Variants in SLCO3A1 observed in about 807,000 individuals in gnomAD.
The protein encoded by SLCO3A1 is solute carrier organic anion transporter family member 3A1.
SLCO3A1 carries 27 observed loss-of-function variants against 63.1 expected under a neutral mutation model. The ratio of observed to expected loss-of-function variants is 0.43; its 90% confidence interval spans 0.32 to 0.59. The LOEUF is 0.59. SLCO3A1 is among the 20% of genes least tolerant of loss of function. The probability of loss-of-function intolerance (pLI) is 0.09; values close to 1 mark genes in which losing one functional copy is unlikely to be tolerated. For missense variants in SLCO3A1, 773 were observed against 945.8 expected (o/e 0.82, Z 2.40); for synonymous variants, 473 against 409.9 (o/e 1.15, Z -1.86).
At position 91,934,848 on chromosome 15, in the gene SLCO3A1, ACT is replaced by A. The variant is rs1350845801; in HGVS notation, c.646+18391_646+18392del. On this transcript the variant is annotated intron_variant, in intron 2 of 9. Coordinates refer to ENST00000318445, the MANE Select transcript of SLCO3A1 (RefSeq NM_013272.4). ...AGTGAGTTGTATAATTCCGTAAGTTACTGCCCTTCCTAACTAAGGCCCTGACT... is the reference window on the plus strand; with the variant it reads ...AGTGAGTTGTATAATTCCGTAAGTTAGCCCTTCCTAACTAAGGCCCTGACT... Among the ~76,000 whole-genome samples the A allele has an allele frequency of 2.0e-5, 3 of 152,270 alleles. No homozygotes were observed. In the East Asian group the frequency reaches 5.8e-4, roughly 29 times the overall value.
At position 91,863,302 on chromosome 15, in the gene SLCO3A1, T is replaced by C. The variant is rs1231014693; in HGVS notation, c.180+9214T>C. Among the ~76,000 whole-genome samples the C allele has an allele frequency of 3.3e-5, 5 of 152,210 alleles. No individual in the cohort carries two copies. The highest frequency in any genetic ancestry group is 2.6e-4 in the Admixed American group (4 of 15,290). ...GTGCTGTCAGCACCAGCTCCCCTTCTCTCCAGGGGTACAGGAGGCTTGTCC... is the reference window on the plus strand; with the variant it reads ...GTGCTGTCAGCACCAGCTCCCCTTCCCTCCAGGGGTACAGGAGGCTTGTCC... On this transcript the variant is annotated intron_variant, in intron 1 of 9. Coordinates refer to ENST00000318445, the MANE Select transcript of SLCO3A1 (RefSeq NM_013272.4). The surrounding 1 kb of genome is among the most constrained non-coding windows in gnomAD (Gnocchi z 4.3).
At chr15:91,976,904 C>T (rs1479726911) in intron 2 of SLCO3A1, among the ~76,000 whole-genome samples, 1 of 152,116 alleles carries the variant, frequency 6.6e-6, no homozygotes, top group African/African-American at 2.4e-5. Flanking sequence ...CACAGGACCA[C>T]AGGACCGGGG....
In SLCO3A1 at chr15:92,128,372, G is replaced by C. The variant is rs764887174; in HGVS notation, c.1395G>C (p.Leu465=). ...YGNSTAPGSA[L]DPYSPCNNNC... ...CCAGCACAGCACCTGGCTCAGCCCT[G>C]GACCCCTACTCGCCCTGCAATAATA... is the stretch of plus-strand genomic sequence containing the variant. The change falls in exon 7 of 10, where the codon CTG becomes CTC. Residue 465 remains leucine, a synonymous_variant. Coordinates refer to ENST00000318445, the MANE Select transcript of SLCO3A1 (RefSeq NM_013272.4). The C allele has an allele frequency of 6.2e-7, 1 of 1,614,092 alleles. No individual in the cohort carries two copies. The highest frequency in any genetic ancestry group is 1.3e-5 in the African/African-American group (1 of 75,020).
chr15:92,140,402 G>T (rs1185065055), intron 7 of SLCO3A1, among the ~76,000 whole-genome samples: 1,989 of 148,968 alleles, frequency 0.013, 56 homozygotes, highest in African/African-American at 0.047. Context: ...TTCCAAGTAT[G>T]TGGTCAATTT....
At chr15:91,945,719 G>T (rs937552838) in intron 2 of SLCO3A1, among the ~76,000 whole-genome samples, 9 of 152,262 alleles carry the variant, frequency 5.9e-5, no homozygotes, top group African/African-American at 2.2e-4. Context: ...GAATCCACTT[G>T]CAGGGTTTAG....
rs181093076 is a variant in SLCO3A1, at chr15:91,854,019, C to T, written c.111C>T (p.Ser37=). Residue 37 remains serine (S), a synonymous_variant, in exon 1 of 10, where the codon TCC becomes TCT. Transcript: ENST00000318445. This position sits in a 1 kb window ranked among gnomAD's most constrained non-coding sequence, Gnocchi z 6.4. Reference sequence around the variant, plus strand: ...AGAAAAAGAAGGTGTCCTGCTTTTCCAACATCAAGATCTTCCTGGTGTCCG... The same window carrying T: ...AGAAAAAGAAGGTGTCCTGCTTTTCTAACATCAAGATCTTCCTGGTGTCCG... ...KKKKKKVSCF[S]NIKIFLVSEC... 219 of 1,545,918 alleles carry T rather than the reference C, an allele frequency of 1.4e-4. No individual in the cohort carries two copies. The highest frequency in any genetic ancestry group is 1.9e-4 in the Non-Finnish European group (213 of 1,145,160).
rs960017654 is a variant in SLCO3A1, at chr15:92,033,469, C to A, written c.647-61412C>A. ...GATGGACACGTCGTGGAGTGAAAAC[C>A]TAAAGGGAACTAAATGCCGAGACGG... On this transcript the variant is annotated intron_variant, in intron 2 of 9. Transcript: ENST00000318445. This position sits in a 1 kb window ranked among gnomAD's most constrained non-coding sequence, Gnocchi z 4.5. Among the ~76,000 whole-genome samples, 2 of 152,124 alleles carry A rather than the reference C, an allele frequency of 1.3e-5. No homozygotes were observed. Among genetic ancestry groups the A allele is most frequent in the Non-Finnish European group, 2.9e-5 (2 of 68,028 alleles).
chr15:92,118,565 A>T (rs2047823262), intron 4 of SLCO3A1, among the ~76,000 whole-genome samples: 1 of 152,092 alleles, frequency 6.6e-6, no homozygotes, highest in African/African-American at 2.4e-5. Flanking sequence ...TTATTATTTT[A>T]TTCTGATGAG....
intron 5 of SLCO3A1, among the ~76,000 whole-genome samples, chr15:92,125,680 T>C (rs1233008140): frequency 6.6e-6 from 1 of 151,938 alleles, no homozygotes; most frequent in Non-Finnish European, 1.5e-5. Context: ...ATCTCAAAAA[T>C]GCTCACAGAG....
chr15:91,963,976 C>T (rs1381265143), intron 2 of SLCO3A1, among the ~76,000 whole-genome samples: 2 of 152,112 alleles, frequency 1.3e-5, no homozygotes, highest in Non-Finnish European at 1.5e-5. Flanking sequence ...CTGATTGGTC[C>T]ATTTTACAAA....
At chr15:91,965,819 A>G (rs1291652662) in intron 2 of SLCO3A1, among the ~76,000 whole-genome samples, 4 of 151,942 alleles carry the variant, frequency 2.6e-5, no homozygotes, top group Admixed American at 6.6e-5. Context: ...TACTGCCAGA[A>G]TGTACTCCTG....
intron 2 of SLCO3A1, among the ~76,000 whole-genome samples, chr15:92,034,840 A>G (rs2046703883): frequency 6.6e-6 from 1 of 151,942 alleles, no homozygotes; most frequent in African/African-American, 2.4e-5. Flanking sequence ...TAACGCTTCC[A>G]TGTATCAATT....
At chr15:91,953,609 C>T (rs755506466) in intron 2 of SLCO3A1, among the ~76,000 whole-genome samples, 1 of 152,260 alleles carries the variant, frequency 6.6e-6, no homozygotes, top group Middle Eastern at 3.4e-3. Flanking sequence ...CTGCGCGAAG[C>T]CTGGTATGAT....
At chr15:91,914,391 A>G (rs1386967184) in intron 1 of SLCO3A1, among the ~76,000 whole-genome samples, 1 of 152,174 alleles carries the variant, frequency 6.6e-6, no homozygotes, top group Non-Finnish European at 1.5e-5. Flanking sequence ...GAGTTTGAGT[A>G]ACATGACTGA....
At chr15:91,889,840 C>T (rs1025836939) in intron 1 of SLCO3A1, among the ~76,000 whole-genome samples, 1 of 151,606 alleles carries the variant, frequency 6.6e-6, no homozygotes, top group Non-Finnish European at 1.5e-5. Flanking sequence ...AAATACCATT[C>T]GCCCTGAGCG....
At chr15:92,084,202 C>G (rs1358550884) in intron 2 of SLCO3A1, among the ~76,000 whole-genome samples, 5 of 152,050 alleles carry the variant, frequency 3.3e-5, no homozygotes, top group Admixed American at 1.3e-4. Context: ...TTTACATGAT[C>G]CTGTATTTTC....
At chr15:92,027,821 C>T (rs1200295171) in intron 2 of SLCO3A1, among the ~76,000 whole-genome samples, 4 of 152,198 alleles carry the variant, frequency 2.6e-5, no homozygotes, top group Admixed American at 6.5e-5. Flanking sequence ...CACCCGTGGA[C>T]AGAAACCTCG....
intron 2 of SLCO3A1, among the ~76,000 whole-genome samples, chr15:92,074,206 G>A (rs2047249577): frequency 6.6e-6 from 1 of 152,160 alleles, no homozygotes; most frequent in Admixed American, 6.5e-5. Context: ...TTTCAAGCCA[G>A]CCTGTCATGT....
At chr15:91,970,655 C>G (rs565844337) in intron 2 of SLCO3A1, among the ~76,000 whole-genome samples, 2 of 152,212 alleles carry the variant, frequency 1.3e-5, no homozygotes, top group Non-Finnish European at 2.9e-5. Flanking sequence ...TCTCCCATTA[C>G]TCCTTCAAAC....
Sources: gnomAD v4.1 joint callset for allele counts (sites outside exome capture counted in the v4.1 genomes callset) on GRCh38, gnomAD v4.1.1 for gene constraint, Gnocchi (gnomAD v3.1) non-coding constraint, MANE v1.5 for transcripts, NCBI Gene and HGNC (gene_info 2026-07-23, HGNC 2026-07-21) for gene names.